Variants in UBE2V2 observed in about 807,000 individuals in gnomAD.
UBE2V2 encodes ubiquitin-conjugating enzyme E2 variant 2.
UBE2V2 carries 9 observed loss-of-function variants against 17.2 expected under a neutral mutation model. That is an observed-to-expected ratio of 0.52 (90% confidence interval 0.32 to 0.91). UBE2V2 has a LOEUF of 0.91. Among genes scored for constraint, UBE2V2 ranks in the 40% least tolerant of loss-of-function variants. The pLI, the probability that UBE2V2 is intolerant of heterozygous loss-of-function variation, is 0.04. For synonymous variants in UBE2V2, 61 were observed against 57.5 expected (o/e 1.06, Z -0.28); for missense variants, 133 against 182.6 (o/e 0.73, Z 1.56).
chr8:48,060,688 G>A lies in UBE2V2; in HGVS notation c.298G>A (p.Ala100Thr), dbSNP rs534511255. 77 of 1,495,130 alleles carry A rather than the reference G, an allele frequency of 5.2e-5. 1 individual carries two copies. The South Asian group carries it at 7.9e-4, about 15-fold the overall frequency. 92.6% of individuals were successfully genotyped at this position (1,495,130 alleles called of 1,614,324 possible). The change falls in exon 4 of 4, where the codon GCC (alanine) becomes ACC (threonine). Residue 100 changes from alanine to threonine, a missense_variant. Physicochemically the swap from Ala to Thr is moderately conservative, Grantham distance 58. Transcript: ENST00000523111. ...GINNSSGMVD[A>T]RSIPVLAKWQ... ...CTCTTTCCTCCCCTTTCAGGTGGATGCCCGGAGCATACCAGTGTTAGCAAA... is the reference window on the plus strand; with the variant it reads ...CTCTTTCCTCCCCTTTCAGGTGGATACCCGGAGCATACCAGTGTTAGCAAA...
At chr8:48,055,495 C>T (rs1320832604) in intron 3 of UBE2V2, among the ~76,000 whole-genome samples, 1 of 152,012 alleles carries the variant, frequency 6.6e-6, no homozygotes, top group Admixed American at 6.6e-5. Context: ...GCCATTGCGC[C>T]TGCTGTTAGT....
At chr8:48,058,937 TG>T (rs1802540013) in intron 3 of UBE2V2, among the ~76,000 whole-genome samples, 1 of 152,010 alleles carries the variant, frequency 6.6e-6, no homozygotes, top group South Asian at 2.1e-4. Context: ...GATGGAGTCT[TG>T]CTCTGTCGCC....
At chr8:48,056,073 T>C (rs1172879734) in intron 3 of UBE2V2, among the ~76,000 whole-genome samples, 3 of 152,176 alleles carry the variant, frequency 2.0e-5, no homozygotes, top group Non-Finnish European at 4.4e-5. Context: ...TCTGTCTTTA[T>C]AGATTTGCCC....
chr8:48,029,737 A>G (rs2091370190), intron 1 of UBE2V2, among the ~76,000 whole-genome samples: 1 of 152,234 alleles, frequency 6.6e-6, no homozygotes, highest in Non-Finnish European at 1.5e-5. Flanking sequence ...TTATGTCCTC[A>G]GAGGAAATAC....
intron 3 of UBE2V2, among the ~76,000 whole-genome samples, chr8:48,059,114 T>A (rs1802544075): frequency 6.6e-6 from 1 of 151,996 alleles, no homozygotes; most frequent in South Asian, 2.1e-4. Context: ...TATTGTATTT[T>A]AGTAGAGACG....
chr8:48,021,077 GTT>G (rs779965087), intron 1 of UBE2V2, among the ~76,000 whole-genome samples: 10 of 136,650 alleles, frequency 7.3e-5, no homozygotes, highest in Non-Finnish European at 8.0e-5. Context: ...TCTATTATAG[GTT>G]TTTTTTTTTT....
chr8:48,034,415 G>A (rs1045004577), intron 1 of UBE2V2, among the ~76,000 whole-genome samples: 3 of 152,054 alleles, frequency 2.0e-5, no homozygotes, highest in South Asian at 2.1e-4. Flanking sequence ...GTGAGCCACC[G>A]CACTTGCCCT....
chr8:48,046,275 C>T (rs117883067), intron 2 of UBE2V2, among the ~76,000 whole-genome samples: 18,396 of 152,162 alleles, frequency 0.12, 1,713 homozygotes, highest in African/African-American at 0.23. Context: ...CCTGTCACCA[C>T]GCCCTGCTGA....
intron 1 of UBE2V2, among the ~76,000 whole-genome samples, chr8:48,024,784 A>G (rs2091328962): frequency 6.6e-6 from 1 of 152,162 alleles, no homozygotes; most frequent in Non-Finnish European, 1.5e-5. Context: ...ATGTTCTTTT[A>G]AGGTGTGAAG....
At chr8:48,031,237 A>G (rs1367068893) in intron 1 of UBE2V2, among the ~76,000 whole-genome samples, 1 of 151,768 alleles carries the variant, frequency 6.6e-6, no homozygotes, top group African/African-American at 2.4e-5. Flanking sequence ...CCCCCCAACA[A>G]CAACAACAAA....
At position 48,008,431 on chromosome 8, in the gene UBE2V2, G is replaced by A; in HGVS notation, c.-24G>A. On this transcript the variant is annotated 5_prime_UTR_variant, in exon 1 of 4. Coordinates refer to ENST00000523111, the MANE Select transcript of UBE2V2 (RefSeq NM_003350.3). ...CGACGGTTCGTGCGTGCGTGCGGGC[G>A]GCTGCGTCGGGCTGCAGGAGAAGAT... 5 of 1,562,686 alleles carry A rather than the reference G, an allele frequency of 3.2e-6. No individual in the cohort carries two copies. Among genetic ancestry groups the A allele is most frequent in the Non-Finnish European group, 4.3e-6 (5 of 1,157,158 alleles).
intron 1 of UBE2V2, 30 bp from the exon 2 acceptor site, chr8:48,043,003 T>A (rs2091474491): frequency 3.5e-6 from 5 of 1,433,192 alleles, no homozygotes; most frequent in Non-Finnish European, 4.6e-6. Context: ...TATGAGCTTT[T>A]TACATTTACA....
At chr8:48,002,973 A>G in the UBE2V2 span, among the ~76,000 whole-genome samples, 51 of 152,130 alleles carry the variant, frequency 3.4e-4, no homozygotes, top group African/African-American at 1.1e-3. Context: ...GCACTTTGGG[A>G]GGCCGAAGAA....
chr8:48,008,275 T>C (rs895205583), upstream of UBE2V2: 8 of 654,802 alleles, frequency 1.2e-5, no homozygotes, highest in African/African-American at 1.9e-5. Flanking sequence ...CACAAGGGAA[T>C]TGCGGAAACA....
chr8:48,004,221 G>A (rs1374493200), upstream of UBE2V2, among the ~76,000 whole-genome samples: 1 of 152,150 alleles, frequency 6.6e-6, no homozygotes, highest in East Asian at 1.9e-4. Flanking sequence ...AATCAGTAAG[G>A]ACATAATAAA....
intron 1 of UBE2V2, among the ~76,000 whole-genome samples, chr8:48,009,680 G>T (rs2091214744): frequency 6.6e-6 from 1 of 152,198 alleles, no homozygotes; most frequent in African/African-American, 2.4e-5. Flanking sequence ...TACTGAAATG[G>T]AAGGCTTTGA....
intron 2 of UBE2V2, chr8:48,049,615 T>C (rs2091521643): frequency 3.3e-6 from 1 of 301,826 alleles, no homozygotes. Context: ...CTTTGTAGAA[T>C]TAATTTTGTA....
At position 48,039,535 on chromosome 8, in the gene UBE2V2, C is replaced by T. The variant is rs546075163; in HGVS notation, c.17-3498C>T. 2.2e-4 allele frequency among the ~76,000 whole-genome samples: 34 copies of T among 152,176 alleles called. No homozygotes were observed. The East Asian group carries it at 6.6e-3, about 29-fold the overall frequency. On this transcript the variant is annotated intron_variant, in intron 1 of 3. Transcript: ENST00000523111. ...AGGGTTTTCTTTTCCTTGTTGATTT[C>T]TAGGAGGAATTATTTCTGTATTTTG...
intron 2 of UBE2V2, among the ~76,000 whole-genome samples, chr8:48,044,572 C>A (rs6473979): frequency 0.97 from 146,952 of 152,262 alleles, 70,927 homozygotes; most frequent in East Asian, 1. Context: ...CACACTCCTA[C>A]ACTGATAGGC....
Sources: allele counts gnomAD v4.1 joint callset (sites outside exome capture counted in the v4.1 genomes callset), GRCh38; gene constraint gnomAD v4.1.1; transcripts MANE v1.5; gene names NCBI Gene and HGNC (gene_info 2026-07-23, HGNC 2026-07-21).